SRGAP2C: variants seen among roughly 807,000 people sequenced by gnomAD.
SRGAP2C encodes SLIT-ROBO Rho GTPase activating protein 2C, also known as SLIT-ROBO Rho GTPase-activating protein 2C.
SRGAP2C carries 15 observed loss-of-function variants against 25.1 expected under a neutral mutation model. That is an observed-to-expected ratio of 0.60 (90% CI 0.40 to 0.92). The LOEUF (loss-of-function observed/expected upper bound fraction) is 0.92. SRGAP2C is among the 40% of genes least tolerant of loss of function. The pLI is 0.00. For missense variants in SRGAP2C, 144 were observed against 264.4 expected, an observed-to-expected ratio of 0.54 and a Z score of 3.16; for synonymous variants, 44 against 96.6, an observed-to-expected ratio of 0.46 and a Z score of 3.19.
chr1:121,237,841 G>T (rs1325690309), intron 2 of SRGAP2C, among the ~76,000 whole-genome samples: 1 of 125,452 alleles, frequency 8.0e-6, no homozygotes, highest in African/African-American at 3.2e-5. Flanking sequence ...GAATGTTGAA[G>T]GATTTTAAAG....
At chr1:121,358,116 T>TG (rs1427024148) in intron 4 of SRGAP2C, among the ~76,000 whole-genome samples, 3 of 148,046 alleles carry the variant, frequency 2.0e-5, no homozygotes, top group African/African-American at 7.5e-5. Context: ...GGCTCATTGG[T>TG]GAACCATAAC....
At chr1:121,192,799 T>C (rs1654725882) in intron 2 of SRGAP2C, among the ~76,000 whole-genome samples, 1 of 148,996 alleles carries the variant, frequency 6.7e-6, no homozygotes, top group Non-Finnish European at 1.5e-5. Context: ...CTGACTCCCA[T>C]TATTCACTCC....
chr1:121,270,402 T>C (rs1380362516), intron 2 of SRGAP2C, among the ~76,000 whole-genome samples: 15 of 142,846 alleles, frequency 1.1e-4, no homozygotes, highest in Non-Finnish European at 1.9e-4. Flanking sequence ...AGGGCAAAAA[T>C]TTAAACATTA....
intron 2 of SRGAP2C, among the ~76,000 whole-genome samples, chr1:121,263,457 T>C (rs1237914249): frequency 6.8e-6 from 1 of 147,442 alleles, no homozygotes; most frequent in Non-Finnish European, 1.5e-5. Flanking sequence ...AAAACTTCAG[T>C]GCTTTTCTTT....
At position 121,314,654 on chromosome 1, in the gene SRGAP2C, C is replaced by T. The variant is rs1385467491; in HGVS notation, c.261-9824C>T. Among the ~76,000 whole-genome samples, 3 of 149,820 alleles carry T rather than the reference C, an allele frequency of 2.0e-5. No homozygotes were observed. In the East Asian group the frequency reaches 6.2e-4, roughly 31 times the overall value. ...AGTTTTCCTTCTAACAGACAGGACC[C>T]TCAGCTGCAGGTCTGTTGGAATACC... On this transcript the variant is annotated intron_variant, in intron 3 of 9. Coordinates refer to ENST00000367123, the MANE Select transcript of SRGAP2C (RefSeq NM_001329984.2).
intron 2 of SRGAP2C, among the ~76,000 whole-genome samples, chr1:121,278,993 C>G (rs1431687314): frequency 6.6e-6 from 1 of 152,168 alleles, no homozygotes; most frequent in Non-Finnish European, 1.5e-5. Flanking sequence ...CCTGAGATGG[C>G]TGAGGTGACA....
intron 2 of SRGAP2C, among the ~76,000 whole-genome samples, chr1:121,261,094 A>ATTTTTTTTTTTTTTTTTTTTTTTTT (rs1211026484): frequency 3.8e-5 from 1 of 26,264 alleles, no homozygotes; most frequent in African/African-American, 1.5e-4. Context: ...ACACCTGGCT[A>ATTTTTTTTTTTTTTTTTTTTTTTTT]TTTTTTTTTT....
At chr1:121,287,028 TC>T (rs1657384387) in intron 3 of SRGAP2C, among the ~76,000 whole-genome samples, 1 of 40,354 alleles carries the variant, frequency 2.5e-5, no homozygotes, top group African/African-American at 8.7e-5. Context: ...TTTTATTTGT[TC>T]TTCTCTTAGG....
At chr1:121,272,178 A>AG (rs1553335373) in intron 2 of SRGAP2C, among the ~76,000 whole-genome samples, 1 of 68,150 alleles carries the variant, frequency 1.5e-5, no homozygotes, top group African/African-American at 5.6e-5. Context: ...AAAAAAAAAA[A>AG]GAAGAAGAAA....
Position 121,374,834 on chromosome 1 carries a change from C to T in SRGAP2C, c.711C>T (p.Ala237=), listed in dbSNP as rs1370648762. ...TTCTGTTTCCTTTTCAGCACCAAGC[C>T]AAGTACACGGAGAATAAGCTGAAGG... ...KIEKMKEKHQ[A]KYTENKLKAI... is the part of the protein sequence containing the mutation. The change falls in exon 7 of 10, where the codon GCC becomes GCT. Residue 237 remains alanine (A), a synonymous_variant. Transcript: ENST00000367123. The T allele has an allele frequency of 2.5e-5, 19 of 770,492 alleles. No individual in the cohort carries two copies. Among genetic ancestry groups the T allele is most frequent in the Non-Finnish European group, 4.1e-5 (17 of 413,280 alleles). The allele number at this position is 770,492 out of a possible 1,614,324, so 47.7% of individuals were successfully genotyped here. A position where few individuals can be genotyped will look rare whatever the true frequency, so the allele number is the denominator to read the frequency against.
chr1:121,375,698 TAA>T, intron 7 of SRGAP2C, among the ~76,000 whole-genome samples: 1 of 151,326 alleles, frequency 6.6e-6, no homozygotes, highest in African/African-American at 2.4e-5. Flanking sequence ...AGAACTTAAC[TAA>T]AGAGTTACAA....
intron 4 of SRGAP2C, chr1:121,361,649 G>A (rs1289504183): frequency 3.1e-4 from 47 of 150,358 alleles, no homozygotes; most frequent in African/African-American, 1.1e-3. Context: ...GAAGCACTCT[G>A]GCCAAATGGT....
chr1:121,334,485 A>C (rs2101618966), intron 4 of SRGAP2C, among the ~76,000 whole-genome samples: 1 of 150,346 alleles, frequency 6.7e-6, no homozygotes, highest in East Asian at 2.0e-4. Context: ...TGTTTTAAAG[A>C]GATGGAGTCT....
chr1:121,198,279 T>C (rs1171757957), intron 2 of SRGAP2C, among the ~76,000 whole-genome samples: 7 of 145,400 alleles, frequency 4.8e-5, no homozygotes, highest in African/African-American at 1.8e-4. Flanking sequence ...CATATTCTCT[T>C]TGTTTTTTTT....
intron 4 of SRGAP2C, among the ~76,000 whole-genome samples, chr1:121,346,615 A>G (rs1570796514): frequency 6.6e-6 from 1 of 152,172 alleles, no homozygotes; most frequent in East Asian, 1.9e-4. Context: ...AGAGTTAAGG[A>G]TAGGGAGTTG....
chr1:121,359,795 A>C (rs1440783077), intron 4 of SRGAP2C, among the ~76,000 whole-genome samples: 2 of 152,204 alleles, frequency 1.3e-5, no homozygotes, highest in African/African-American at 4.8e-5. Context: ...GAAAGAAAAG[A>C]AAAAAAGAAG....
intron 2 of SRGAP2C, among the ~76,000 whole-genome samples, chr1:121,191,747 C>T (rs1654684256): frequency 6.6e-6 from 1 of 151,416 alleles, no homozygotes; most frequent in African/African-American, 2.4e-5. Flanking sequence ...CTTTCCTTTA[C>T]CCTCTCTATA....
chr1:121,211,294 G>A (rs1655246051), intron 2 of SRGAP2C, among the ~76,000 whole-genome samples: 1 of 148,862 alleles, frequency 6.7e-6, no homozygotes. Flanking sequence ...CTAGGGGCAG[G>A]AATTAAGGTC....
intron 7 of SRGAP2C, among the ~76,000 whole-genome samples, 169 bp downstream of exon 7, chr1:121,375,123 A>G (rs1659607899): frequency 6.6e-6 from 1 of 151,412 alleles, no homozygotes; most frequent in African/African-American, 2.4e-5. Flanking sequence ...GAAACACTTC[A>G]CACTTATTCA....
Sources: gnomAD v4.1 joint callset for allele counts (sites outside exome capture counted in the v4.1 genomes callset) on GRCh38, gnomAD v4.1.1 for gene constraint, MANE v1.5 for transcripts, NCBI Gene and HGNC (gene_info 2026-07-23, HGNC 2026-07-21) for gene names.